Variants in MYO3A observed in about 807,000 individuals in gnomAD.
MYO3A encodes the protein myosin IIIA.
MYO3A carries 180 observed loss-of-function variants against 192.7 expected under a neutral mutation model. The observed-to-expected ratio is 0.93, with a 90% CI of 0.83 to 1.06. The LOEUF (loss-of-function observed/expected upper bound fraction) is 1.06, where lower values mean the gene tolerates loss of function less well. MYO3A is among the 50% of genes least tolerant of loss of function. The pLI, the probability that MYO3A is intolerant of heterozygous loss-of-function variation, is 0.00. For missense variants in MYO3A, 1,896 were observed against 1,905.0 expected (o/e 1.00, Z 0.09); for synonymous variants, 628 against 645.3 (o/e 0.97, Z 0.41).
intron 4 of MYO3A, among the ~76,000 whole-genome samples, chr10:25,985,144 A>G (rs886451500): frequency 6.6e-6 from 1 of 151,296 alleles, no homozygotes; most frequent in African/African-American, 2.4e-5. Flanking sequence ...AGGCTGAGGC[A>G]GGAGAATTAC....
At chr10:26,057,811 T>G (rs2131322571) in intron 10 of MYO3A, among the ~76,000 whole-genome samples, 1 of 152,324 alleles carries the variant, frequency 6.6e-6, no homozygotes, top group South Asian at 2.1e-4. Flanking sequence ...TTTTTACTTT[T>G]TATTAAAATC....
chr10:26,211,980 T>C lies in MYO3A; in HGVS notation c.*17T>C, dbSNP rs758733574. On this transcript the variant is annotated 3_prime_UTR_variant, in exon 35 of 35. Coordinates refer to ENST00000642920, the MANE Select transcript of MYO3A (RefSeq NM_017433.5). Reference sequence around the variant, plus strand: ...CAGTCCTAACCGTTCAACGAGGCAGTCACCGCCGTCGGAAGGCGCTGGAGC... The same window carrying C: ...CAGTCCTAACCGTTCAACGAGGCAGCCACCGCCGTCGGAAGGCGCTGGAGC... 5.0e-6 allele frequency: 8 copies of C among 1,607,720 alleles called. No homozygotes were observed. The highest frequency in any genetic ancestry group is 6.8e-6 in the Non-Finnish European group (8 of 1,175,050).
At chr10:26,180,113 G>A (rs995434584) in intron 31 of MYO3A, among the ~76,000 whole-genome samples, 1 of 152,184 alleles carries the variant, frequency 6.6e-6, no homozygotes, top group Admixed American at 6.5e-5. Context: ...GGGATTACAA[G>A]TGTGAGCCAC....
chr10:26,135,236 G>A (rs960585127), intron 20 of MYO3A, among the ~76,000 whole-genome samples: 11 of 152,154 alleles, frequency 7.2e-5, no homozygotes, highest in African/African-American at 2.6e-4. Flanking sequence ...GTAATCTCCT[G>A]TGCAGAAGAA....
In MYO3A at chr10:26,070,221, A is replaced by T. The variant is rs770742082; in HGVS notation, c.1275+6A>T. 2 of 1,604,246 alleles carry T rather than the reference A, an allele frequency of 1.2e-6. No homozygotes were observed. Among genetic ancestry groups the T allele is most frequent in the Admixed American group, 3.3e-5 (2 of 59,920 alleles). The stretch of plus-strand genomic sequence containing the variant: ...TAACATATAATTCAGATCAGGTAAG[A>T]AGAGTCTCCCATTCTTAGAAATTTA... On this transcript the variant is annotated splice_donor_region_variant and intron_variant, in intron 13 of 34. Transcript: ENST00000642920.
chr10:26,094,615 G>A lies in MYO3A; in HGVS notation c.1563-1766G>A, dbSNP rs553621942. On this transcript the variant is annotated intron_variant, in intron 15 of 34. Coordinates refer to ENST00000642920, the MANE Select transcript of MYO3A (RefSeq NM_017433.5). ...AATTTTTTGTATTTTTAGTAGAGAC[G>A]GGGTTTCACCGTGTTAGCCAGGATG... 1.3e-4 allele frequency among the ~76,000 whole-genome samples: 20 copies of A among 151,968 alleles called. No individual in the cohort carries two copies. In the East Asian group the frequency reaches 3.5e-3, roughly 27 times the overall value.
At chr10:26,159,009 A>T (rs969718419) in intron 26 of MYO3A, among the ~76,000 whole-genome samples, 5 of 143,886 alleles carry the variant, frequency 3.5e-5, no homozygotes, top group Admixed American at 7.0e-5. Flanking sequence ...ATTTCTGCTA[A>T]TTTTTTTTTT....
chr10:25,957,848 G>A (rs1375686226), intron 4 of MYO3A, among the ~76,000 whole-genome samples: 1 of 152,168 alleles, frequency 6.6e-6, no homozygotes, highest in African/African-American at 2.4e-5. Context: ...GATCAGTGAT[G>A]TTGAGCTTTT....
At chr10:26,200,021 T>C (rs1172792494) in intron 32 of MYO3A, among the ~76,000 whole-genome samples, 2 of 152,216 alleles carry the variant, frequency 1.3e-5, no homozygotes, top group Non-Finnish European at 2.9e-5. Flanking sequence ...AATGTAATTA[T>C]TTGTAAGCGC....
chr10:26,123,293 A>G (rs576656173), intron 18 of MYO3A, among the ~76,000 whole-genome samples: 1 of 152,318 alleles, frequency 6.6e-6, no homozygotes, highest in Admixed American at 6.5e-5. Flanking sequence ...AATGAAACTG[A>G]GGGAAAATAT....
chr10:26,092,465 C>A (rs376390328), intron 15 of MYO3A, among the ~76,000 whole-genome samples: 79 of 147,776 alleles, frequency 5.3e-4, no homozygotes, highest in Non-Finnish European at 6.6e-4. Context: ...GACTCTGTCT[C>A]AAAAAAAAAA....
intron 6 of MYO3A, among the ~76,000 whole-genome samples, chr10:26,010,469 T>G (rs1379426174): frequency 4.4e-5 from 6 of 137,256 alleles, no homozygotes; most frequent in Non-Finnish European, 7.8e-5. Context: ...TTTTTTTTTT[T>G]TTGTTTTGTT....
chr10:26,130,087 A>G (rs1466472349), intron 20 of MYO3A, among the ~76,000 whole-genome samples: 2 of 151,826 alleles, frequency 1.3e-5, no homozygotes, highest in South Asian at 4.2e-4. Flanking sequence ...TTCACTGTTT[A>G]TAAAATGTTA....
chr10:26,173,639 T>A, intron 29 of MYO3A, 24 bp from the exon 30 acceptor site: 1 of 1,602,622 alleles, frequency 6.2e-7, no homozygotes, highest in Non-Finnish European at 8.5e-7. Flanking sequence ...TACTGTATAT[T>A]CAAAGATAAT....
intron 14 of MYO3A, among the ~76,000 whole-genome samples, chr10:26,081,371 C>A (rs1236092498): frequency 6.6e-6 from 1 of 152,020 alleles, no homozygotes; most frequent in African/African-American, 2.4e-5. Flanking sequence ...AAGGCCTCAC[C>A]CAGCTCCCAT....
chr10:25,999,778 G>A (rs748673167), intron 6 of MYO3A, among the ~76,000 whole-genome samples: 7 of 152,120 alleles, frequency 4.6e-5, no homozygotes, highest in Non-Finnish European at 1.0e-4. Flanking sequence ...TACATATAAA[G>A]AGTTTCTTGT....
At chr10:26,158,175 A>G (rs975511442) in intron 26 of MYO3A, among the ~76,000 whole-genome samples, 25 of 152,158 alleles carry the variant, frequency 1.6e-4, no homozygotes, top group African/African-American at 4.3e-4. Flanking sequence ...AGATGAAACA[A>G]TTAGGTTTAT....
intron 10 of MYO3A, among the ~76,000 whole-genome samples, 163 bp from the exon 11 acceptor site, chr10:26,066,812 A>AAACAAACAGTAAAGT (rs1244736884): frequency 1.3e-5 from 2 of 152,382 alleles, no homozygotes. Context: ...GGAAAGGAGT[A>AAACAAACAGTAAAGT]AACAAACAGT....
intron 31 of MYO3A, among the ~76,000 whole-genome samples, chr10:26,190,436 A>G (rs969472103): frequency 2.0e-5 from 3 of 152,198 alleles, no homozygotes; most frequent in Non-Finnish European, 4.4e-5. Flanking sequence ...AGAAGTATTC[A>G]GTAAGGAGTA....
Sources: allele counts gnomAD v4.1 joint callset (sites outside exome capture counted in the v4.1 genomes callset), GRCh38; gene constraint gnomAD v4.1.1; transcripts MANE v1.5; gene names NCBI Gene and HGNC (gene_info 2026-07-23, HGNC 2026-07-21).